ENOX1: variants seen among roughly 807,000 people sequenced by gnomAD.
ENOX1 encodes the protein ecto-NOX disulfide-thiol exchanger 1.
In ENOX1, 42 loss-of-function variants were observed where a neutral mutation model predicts 82.5. The observed-to-expected ratio is 0.51, with a 90% CI of 0.40 to 0.66. The LOEUF (loss-of-function observed/expected upper bound fraction) is 0.66. Among genes scored for constraint, ENOX1 ranks in the 30% least tolerant of loss-of-function variants. The probability of loss-of-function intolerance (pLI) is 0.00; values close to 1 mark genes in which losing one functional copy is unlikely to be tolerated. For synonymous variants in ENOX1, 271 were observed against 282.2 expected (o/e 0.96, Z 0.40); for missense variants, 608 against 811.6 (o/e 0.75, Z 3.05).
At position 43,580,630 on chromosome 13, in the gene ENOX1, C is replaced by T. The variant is rs148558157; in HGVS notation, c.-219+86849G>A. ...GCAAATCCTATATACACATTTGGGG[C>T]AGTTCTTTCAAATTCTGATGAGCTA... On this transcript the variant is annotated intron_variant, in intron 2 of 16. Transcript: ENST00000690772. Among the ~76,000 whole-genome samples the T allele has an allele frequency of 9.2e-5, 14 of 152,314 alleles. No individual in the cohort carries two copies. The East Asian group carries it at 2.5e-3, about 27-fold the overall frequency.
chr13:43,285,810 CAAAAAA>C lies in ENOX1; in HGVS notation c.1446+12530_1446+12535del, dbSNP rs11417324. On this transcript the variant is annotated intron_variant, in intron 12 of 16. Transcript: ENST00000690772. ...GGGTGACAAGAGTGAGACTCTGTCT[CAAAAAA>C]AAAAAAAAAAAAAAAAGAGGAATTC... Among the ~76,000 whole-genome samples, 17 of 67,454 alleles carry C rather than the reference CAAAAAA, an allele frequency of 2.5e-4. 1 individual carries two copies. The highest frequency in any genetic ancestry group is 4.8e-4 in the Admixed American group (2 of 4,196). 44.3% of individuals were successfully genotyped at this position (67,454 alleles called of 152,430 possible). A position where few individuals can be genotyped will look rare whatever the true frequency, so the allele number is the denominator to read the frequency against.
intron 7 of ENOX1, among the ~76,000 whole-genome samples, chr13:43,358,791 G>A (rs1373593022): frequency 6.6e-6 from 1 of 152,152 alleles, no homozygotes; most frequent in East Asian, 1.9e-4. Flanking sequence ...CAGAACCCCC[G>A]TTGTCTAACA....
intron 5 of ENOX1, among the ~76,000 whole-genome samples, chr13:43,370,514 G>A (rs1011441533): frequency 2.0e-5 from 3 of 152,154 alleles, no homozygotes; most frequent in African/African-American, 7.2e-5. Flanking sequence ...AATTCCTTAG[G>A]CTGGAAGCTC....
intron 12 of ENOX1, among the ~76,000 whole-genome samples, chr13:43,275,597 C>CACAT (rs971999022): frequency 6.6e-6 from 1 of 151,924 alleles, no homozygotes; most frequent in African/African-American, 2.4e-5. Context: ...CACACACACA[C>CACAT]ACATACACAC....
intron 8 of ENOX1, among the ~76,000 whole-genome samples, chr13:43,348,579 A>G (rs901732779): frequency 3.3e-5 from 5 of 152,206 alleles, no homozygotes; most frequent in Admixed American, 1.3e-4. Flanking sequence ...ACTGTTCTGA[A>G]TAGCATAATG....
At chr13:43,761,831 TAGTC>T (rs888895601) in intron 1 of ENOX1, among the ~76,000 whole-genome samples, 3 of 152,158 alleles carry the variant, frequency 2.0e-5, no homozygotes, top group African/African-American at 7.2e-5. Context: ...TCATTCCAAG[TAGTC>T]AGCTGTAGAA....
At chr13:43,655,286 G>A (rs2084378317) in intron 2 of ENOX1, among the ~76,000 whole-genome samples, 1 of 152,142 alleles carries the variant, frequency 6.6e-6, no homozygotes. Flanking sequence ...TTTTAAGCTG[G>A]GAAGAGAACC....
At chr13:43,505,130 T>C (rs9525793) in intron 2 of ENOX1, among the ~76,000 whole-genome samples, 147,697 of 151,906 alleles carry the variant, frequency 0.97, 71,943 homozygotes, top group East Asian at 1. Context: ...TAAAGAGACA[T>C]GAGATTTATA....
At chr13:43,246,333 G>A (rs530249764) in intron 14 of ENOX1, among the ~76,000 whole-genome samples, 8 of 152,218 alleles carry the variant, frequency 5.3e-5, no homozygotes, top group African/African-American at 1.7e-4. Context: ...TGCCGGTTGC[G>A]TGGATATTGA....
chr13:43,545,801 A>T (rs1430521149), intron 2 of ENOX1: 1 of 152,224 alleles, frequency 6.6e-6, no homozygotes, highest in Non-Finnish European at 1.5e-5. Flanking sequence ...GTCTCCTCCA[A>T]GCAAATAGTA....
intron 2 of ENOX1, among the ~76,000 whole-genome samples, chr13:43,542,912 T>A: frequency 6.6e-6 from 1 of 152,090 alleles, no homozygotes; most frequent in East Asian, 1.9e-4. Flanking sequence ...TCTCACATGG[T>A]GGAAGGGAGC....
chr13:43,739,149 T>A (rs2089774414), intron 1 of ENOX1, among the ~76,000 whole-genome samples: 1 of 152,188 alleles, frequency 6.6e-6, no homozygotes, highest in Admixed American at 6.5e-5. Flanking sequence ...TCAACAAATA[T>A]CTACTATGTA....
intron 1 of ENOX1, among the ~76,000 whole-genome samples, chr13:43,730,371 A>G (rs1566843367): frequency 6.6e-6 from 1 of 152,162 alleles, no homozygotes; most frequent in Non-Finnish European, 1.5e-5. Context: ...AGCACCAGCC[A>G]TCCACCAGAT....
At chr13:43,354,263 T>C (rs185040601) in intron 8 of ENOX1, among the ~76,000 whole-genome samples, 1 of 152,368 alleles carries the variant, frequency 6.6e-6, no homozygotes, top group Admixed American at 6.5e-5. Context: ...GCACTGCATA[T>C]GCCCTTTATT....
intron 2 of ENOX1, among the ~76,000 whole-genome samples, chr13:43,632,602 T>C (rs1594190056): frequency 1.3e-5 from 2 of 151,824 alleles, no homozygotes; most frequent in Non-Finnish European, 1.5e-5. Context: ...CCTGCCACCA[T>C]GTCCAGCTAA....
At chr13:43,250,910 A>G (rs1319055551) in intron 14 of ENOX1, among the ~76,000 whole-genome samples, 1 of 152,212 alleles carries the variant, frequency 6.6e-6, no homozygotes. Context: ...AGTGGCACCT[A>G]GCCTGTCCTG....
intron 5 of ENOX1, among the ~76,000 whole-genome samples, chr13:43,405,545 A>C (rs73471816): frequency 0.013 from 2,050 of 152,172 alleles, 55 homozygotes; most frequent in African/African-American, 0.047. Flanking sequence ...AGCCTTCCCC[A>C]CCTTCTAAGC....
chr13:43,540,824 G>A (rs2153693713), intron 2 of ENOX1, among the ~76,000 whole-genome samples: 1 of 152,234 alleles, frequency 6.6e-6, no homozygotes, highest in Middle Eastern at 3.4e-3. Flanking sequence ...TCTTCTAAAG[G>A]ACCCCCCCTC....
At chr13:43,507,038 A>C (rs1358257590) in intron 2 of ENOX1, among the ~76,000 whole-genome samples, 1 of 151,978 alleles carries the variant, frequency 6.6e-6, no homozygotes, top group Non-Finnish European at 1.5e-5. Flanking sequence ...GAACTTTTAA[A>C]ACTCTAAAAA....
Sources: gnomAD v4.1 joint callset for allele counts (sites outside exome capture counted in the v4.1 genomes callset) on GRCh38, gnomAD v4.1.1 for gene constraint, MANE v1.5 for transcripts, NCBI Gene and HGNC (gene_info 2026-07-23, HGNC 2026-07-21) for gene names.